CBLL1: variants seen among roughly 807,000 people sequenced by gnomAD.
The protein encoded by CBLL1 is Cbl proto-oncogene like 1, also known as E3 ubiquitin-protein ligase Hakai.
CBLL1 carries 4 observed loss-of-function variants against 44.9 expected under a neutral mutation model. That is an observed-to-expected ratio of 0.09 (90% CI 0.04 to 0.20). The LOEUF (loss-of-function observed/expected upper bound fraction) is 0.20. Ranked by LOEUF, CBLL1 falls within the 10% of genes least tolerant of loss-of-function variation. The pLI, the probability that CBLL1 is intolerant of heterozygous loss-of-function variation, is 1.00. For missense variants in CBLL1, 569 were observed against 636.7 expected (o/e 0.89, Z 1.14); for synonymous variants, 235 against 202.2 (o/e 1.16, Z -1.38).
chr7:107,746,333 C>T (rs1793012879), intron 1 of CBLL1, among the ~76,000 whole-genome samples: 1 of 152,152 alleles, frequency 6.6e-6, no homozygotes, highest in African/African-American at 2.4e-5. Context: ...AAAATACTCA[C>T]GAATGAGCTG....
chr7:107,745,143 C>T (rs1792948157), intron 1 of CBLL1, among the ~76,000 whole-genome samples: 1 of 151,960 alleles, frequency 6.6e-6, no homozygotes, highest in South Asian at 2.1e-4. Flanking sequence ...GGACCAGGTC[C>T]GTGATAGAAC....
At chr7:107,752,387 T>A (rs1465352002) in intron 2 of CBLL1, among the ~76,000 whole-genome samples, 1 of 152,020 alleles carries the variant, frequency 6.6e-6, no homozygotes, top group Non-Finnish European at 1.5e-5. Flanking sequence ...CACTGAAGTG[T>A]CTATCAGCTT....
At position 107,759,320 on chromosome 7, in the gene CBLL1, T is replaced by C; in HGVS notation, c.*142T>C. On this transcript the variant is annotated 3_prime_UTR_variant, in exon 6 of 6. Coordinates refer to ENST00000440859, the MANE Select transcript of CBLL1 (RefSeq NM_024814.4). The stretch of plus-strand genomic sequence containing the variant: ...ATAGGGTCTTGTTTCTTAAAATGGT[T>C]TTAAATCTTGACCTTAAGATTGATT... The C allele has an allele frequency of 1.4e-6, 1 of 727,186 alleles. No homozygotes were observed. The highest frequency in any genetic ancestry group is 3.0e-5 in the Admixed American group (1 of 33,348). 45.0% of individuals were successfully genotyped at this position (727,186 alleles called of 1,614,324 possible). A position where few individuals can be genotyped will look rare whatever the true frequency, so the allele number is the denominator to read the frequency against.
chr7:107,760,810 C>A lies in CBLL1; in HGVS notation c.*1632C>A, dbSNP rs529026724. 10 of 152,226 alleles carry A rather than the reference C, an allele frequency of 6.6e-5. No homozygotes were observed. The highest frequency in any genetic ancestry group is 2.4e-4 in the African/African-American group (10 of 41,536). 9.4% of individuals were successfully genotyped at this position (152,226 alleles called of 1,614,324 possible). A position where few individuals can be genotyped will look rare whatever the true frequency, so the allele number is the denominator to read the frequency against. ...GAAACAAATTCTCATCTTGAATGAT[C>A]AGATGCAAAATCATTTCTGAACCCT... On this transcript the variant is annotated 3_prime_UTR_variant, in exon 6 of 6. Coordinates refer to ENST00000440859, the MANE Select transcript of CBLL1 (RefSeq NM_024814.4).
chr7:107,752,540 A>G (rs867033492), intron 2 of CBLL1: 6 of 1,288,542 alleles, frequency 4.7e-6, no homozygotes, highest in African/African-American at 3.0e-5. Flanking sequence ...TACTCTGTTT[A>G]CCAGTTCTAG....
At chr7:107,753,588 G>A in intron 3 of CBLL1, 77 bp downstream of exon 3, 3 of 733,774 alleles carry the variant, frequency 4.1e-6, no homozygotes, top group Non-Finnish European at 6.5e-6. Context: ...TTTTATTGGA[G>A]TAATGCACAG....
At chr7:107,755,546 T>G in intron 5 of CBLL1, 55 bp downstream of exon 5, 1 of 1,038,192 alleles carries the variant, frequency 9.6e-7, no homozygotes, top group Non-Finnish European at 1.4e-6. Flanking sequence ...GTGCAATGAT[T>G]TATAAGTTGG....
rs1287730065 is a variant in CBLL1 at position 107,759,711 on chromosome 7, G to T, written c.*533G>T. The T allele has an allele frequency of 6.5e-6, 1 of 153,144 alleles. No homozygotes were observed. The highest frequency in any genetic ancestry group is 2.4e-5 in the African/African-American group (1 of 41,442). 9.5% of individuals were successfully genotyped at this position (153,144 alleles called of 1,614,324 possible). A position where few individuals can be genotyped will look rare whatever the true frequency, so the allele number is the denominator to read the frequency against. On this transcript the variant is annotated 3_prime_UTR_variant, in exon 6 of 6. Coordinates refer to ENST00000440859, the MANE Select transcript of CBLL1 (RefSeq NM_024814.4). ...ATCTACTAGAATTTGCTGTAAGGCA[G>T]ACTGTTAAATGATAGAGAATTATTT... is the stretch of plus-strand genomic sequence containing the variant.
At chr7:107,745,470 G>C (rs531649072) in intron 1 of CBLL1, among the ~76,000 whole-genome samples, 1 of 152,352 alleles carries the variant, frequency 6.6e-6, no homozygotes, top group South Asian at 2.1e-4. Context: ...AGATTGGAAA[G>C]GAGGGCAGCA....
intron 5 of CBLL1, 167 bp downstream of exon 5, chr7:107,755,658 A>G (rs1793498297): frequency 2.6e-6 from 1 of 383,514 alleles, no homozygotes; most frequent in Non-Finnish European, 4.8e-6. Context: ...TCTCTTTAAT[A>G]TAGGGCAAGG....
chr7:107,748,890 A>G lies in CBLL1; in HGVS notation c.24A>G (p.Leu8=). Residue 8 remains leucine, a synonymous_variant, in exon 2 of 6, where the codon TTA becomes TTG. Coordinates refer to ENST00000440859, the MANE Select transcript of CBLL1 (RefSeq NM_024814.4). The stretch of plus-strand genomic sequence containing the variant: ...TTTTTCCTAACACAGACAATGAGTT[A>G]CAAGGCACTAATAGTTCTGGATCCT... MDHTDNE[L]QGTNSSGSLG... is the part of the protein sequence containing the mutation. The G allele has an allele frequency of 6.2e-7, 1 of 1,603,294 alleles. No individual in the cohort carries two copies. The highest frequency in any genetic ancestry group is 8.5e-7 in the Non-Finnish European group (1 of 1,176,182).
intron 1 of CBLL1, 170 bp downstream of exon 1, chr7:107,744,346 T>A: frequency 2.5e-6 from 2 of 806,430 alleles, no homozygotes; most frequent in Non-Finnish European, 3.7e-6. Context: ...TGCGGTTTCC[T>A]GGCCTACCGT....
chr7:107,754,252 T>C (rs1793432845), intron 4 of CBLL1: 1 of 189,928 alleles, frequency 5.3e-6, no homozygotes, highest in Non-Finnish European at 1.1e-5. Context: ...TTTACAGTTA[T>C]TCTAGTTTAT....
intron 2 of CBLL1, among the ~76,000 whole-genome samples, chr7:107,750,182 C>T (rs1793221626): frequency 1.3e-5 from 2 of 152,098 alleles, no homozygotes; most frequent in African/African-American, 2.4e-5. Context: ...CTCCTGGACT[C>T]AACAGTCCTC....
intron 1 of CBLL1, 50 bp from the exon 2 acceptor site, chr7:107,748,827 AATC>A: frequency 1.3e-6 from 2 of 1,490,836 alleles, no homozygotes; most frequent in Non-Finnish European, 1.8e-6. Flanking sequence ...GTGGCAGAAT[AATC>A]TTTAAAAAGA....
chr7:107,753,478 A>G lies in CBLL1; in HGVS notation c.249A>G (p.Arg83=). 1.3e-6 allele frequency: 2 copies of G among 1,590,954 alleles called. No homozygotes were observed. The highest frequency in any genetic ancestry group is 8.5e-7 in the Non-Finnish European group (1 of 1,170,870). ...CKGGELFANQ[R]RFPGHLFWDF... ...GGGGTGAGCTGTTTGCAAATCAGCGAAGATTTCCTGGACACCTTTTTTGGG... is the reference window on the plus strand; with the variant it reads ...GGGGTGAGCTGTTTGCAAATCAGCGGAGATTTCCTGGACACCTTTTTTGGG... Residue 83 remains arginine, a synonymous_variant, in exon 3 of 6, where the codon CGA becomes CGG. Coordinates refer to ENST00000440859, the MANE Select transcript of CBLL1 (RefSeq NM_024814.4).
chr7:107,760,470 G>T lies in CBLL1; in HGVS notation c.*1292G>T, dbSNP rs1793721152. 1.3e-5 allele frequency: 2 copies of T among 152,194 alleles called. No homozygotes were observed. The highest frequency in any genetic ancestry group is 2.4e-5 in the African/African-American group (1 of 41,436). The allele number at this position is 152,194 out of a possible 1,614,324, so 9.4% of individuals were successfully genotyped here. On this transcript the variant is annotated 3_prime_UTR_variant, in exon 6 of 6. Coordinates refer to ENST00000440859, the MANE Select transcript of CBLL1 (RefSeq NM_024814.4). ...AATAACAGCTAAATTGTGGATTTCA[G>T]TGCTTTACATGGTGCCTTTCGAGTC...
chr7:107,747,255 G>T (rs925717898), intron 1 of CBLL1, among the ~76,000 whole-genome samples: 1 of 152,210 alleles, frequency 6.6e-6, no homozygotes, highest in African/African-American at 2.4e-5. Flanking sequence ...GCAAGCAACA[G>T]TAGAGACCTC....
At position 107,758,727 on chromosome 7, in the gene CBLL1, C is replaced by T. The variant is rs1242480186; in HGVS notation, c.1025C>T (p.Ala342Val). 2 of 1,613,658 alleles carry T rather than the reference C, an allele frequency of 1.2e-6. No individual in the cohort carries two copies. The highest frequency in any genetic ancestry group is 2.7e-5 in the African/African-American group (2 of 74,806). The change falls in exon 6 of 6, where the codon GCA (alanine) becomes GTA (valine). Residue 342 changes from alanine (A) to valine (V), a missense_variant. By Grantham distance (64) the Ala-to-Val change is moderately conservative. This residue lies in a region of CBLL1 where 228 missense variants were observed against 253.2 expected (regional missense o/e 0.90). Transcript: ENST00000440859. This position sits in a 1 kb window ranked among gnomAD's most constrained non-coding sequence, Gnocchi z 4.2. ...HHIMPPQQHY[A>V]PPPPPPPPIS... ...ATTATGCCTCCACAGCAACATTATG[C>T]ACCACCCCCACCTCCTCCACCACCA...
Sources: gnomAD v4.1 joint callset for allele counts (sites outside exome capture counted in the v4.1 genomes callset) on GRCh38, gnomAD v4.1.1 for gene constraint, gnomAD v4.1.1 regional missense constraint, Gnocchi (gnomAD v3.1) non-coding constraint, MANE v1.5 for transcripts, NCBI Gene and HGNC (gene_info 2026-07-23, HGNC 2026-07-21) for gene names.